Variants in SND1 observed in about 807,000 individuals in gnomAD.
SND1 encodes staphylococcal nuclease domain-containing protein 1.
A neutral mutation model predicts 121.7 loss-of-function variants in SND1; 38 were observed. That is an observed-to-expected ratio of 0.31 (90% CI 0.24 to 0.41). The LOEUF is 0.41. Among genes scored for constraint, SND1 ranks in the 10% least tolerant of loss-of-function variants. The pLI is 1.00. For synonymous variants in SND1, 401 were observed against 447.4 expected (o/e 0.90, Z 1.31); for missense variants, 868 against 1,184.6 (o/e 0.73, Z 3.92).
intron 11 of SND1, among the ~76,000 whole-genome samples, chr7:127,843,158 T>C (rs58106688): frequency 0.28 from 43,220 of 151,964 alleles, 7,726 homozygotes; most frequent in East Asian, 0.71. Flanking sequence ...TTACAGAGAT[T>C]TCCCATATAC....
At chr7:127,807,986 G>A (rs1160290524) in intron 11 of SND1, among the ~76,000 whole-genome samples, 1 of 152,144 alleles carries the variant, frequency 6.6e-6, no homozygotes, top group East Asian at 1.9e-4. Context: ...GCTATAAGGG[G>A]AAGAGGGGAT....
chr7:127,998,210 C>A, intron 16 of SND1: 1 of 316,592 alleles, frequency 3.2e-6, no homozygotes, highest in South Asian at 2.7e-5. Flanking sequence ...GGAAAGCTCT[C>A]CAAGCTTGGC....
At chr7:127,762,744 C>T (rs1264510260) in intron 10 of SND1, among the ~76,000 whole-genome samples, 3 of 152,178 alleles carry the variant, frequency 2.0e-5, no homozygotes, top group Admixed American at 2.0e-4. Flanking sequence ...CTCAGAGTGT[C>T]TGAAGCAAGC....
At chr7:127,925,565 A>G (rs1369541310) in intron 14 of SND1, among the ~76,000 whole-genome samples, 1 of 151,974 alleles carries the variant, frequency 6.6e-6, no homozygotes, top group African/African-American at 2.4e-5. Flanking sequence ...CTTTAAATCT[A>G]AGGTCTTAAA....
At position 127,981,415 on chromosome 7, in the gene SND1, C is replaced by T. The variant is rs150744365; in HGVS notation, c.1670-9532C>T. On this transcript the variant is annotated intron_variant, in intron 15 of 23. Transcript: ENST00000354725. ...TGGGCATTGGGAAGCGGACAGCCTG[C>T]GATCTCCAGTCCCCTTCCCAAACAC... Among the ~76,000 whole-genome samples, 140 of 152,282 alleles carry T rather than the reference C, an allele frequency of 9.2e-4. 1 individual carries two copies. The highest frequency in any genetic ancestry group is 3.4e-3 in the Middle Eastern group (1 of 294).
chr7:128,051,799 G>T (rs1191727517), intron 16 of SND1, among the ~76,000 whole-genome samples: 1 of 152,238 alleles, frequency 6.6e-6, no homozygotes, highest in Non-Finnish European at 1.5e-5. Context: ...ACTTACTGTT[G>T]CTAAGTGCTG....
At chr7:128,001,246 C>G (rs1482330550) in intron 16 of SND1, among the ~76,000 whole-genome samples, 1 of 152,216 alleles carries the variant, frequency 6.6e-6, no homozygotes, top group Non-Finnish European at 1.5e-5. Flanking sequence ...CAACATGTTT[C>G]ACATAGTGAG....
At chr7:127,996,358 T>C (rs908499671) in intron 16 of SND1, among the ~76,000 whole-genome samples, 3 of 152,226 alleles carry the variant, frequency 2.0e-5, no homozygotes, top group Middle Eastern at 3.2e-3. Context: ...CTGAAATAGA[T>C]AAACTGCTCT....
At chr7:127,776,779 C>A (rs974427933) in intron 10 of SND1, among the ~76,000 whole-genome samples, 1 of 152,108 alleles carries the variant, frequency 6.6e-6, no homozygotes, top group Non-Finnish European at 1.5e-5. Context: ...AGGTTCAAAG[C>A]CCTTATGTAA....
At chr7:127,726,171 A>C (rs952306366) in intron 10 of SND1, among the ~76,000 whole-genome samples, 2 of 152,204 alleles carry the variant, frequency 1.3e-5, no homozygotes, top group African/African-American at 4.8e-5. Flanking sequence ...TTTTCATCCT[A>C]GGCTTTCCAA....
chr7:127,789,530 A>G (rs1054332379), intron 10 of SND1, among the ~76,000 whole-genome samples: 3 of 152,202 alleles, frequency 2.0e-5, no homozygotes, highest in African/African-American at 7.2e-5. Context: ...CATTGTTTCC[A>G]TATTTAATCG....
At chr7:127,683,398 G>C (rs1239091468) in intron 1 of SND1, among the ~76,000 whole-genome samples, 1 of 152,068 alleles carries the variant, frequency 6.6e-6, no homozygotes, top group Non-Finnish European at 1.5e-5. Flanking sequence ...TTGATTTTTA[G>C]TAGAGATGAG....
Position 127,988,154 on chromosome 7 carries a change from G to A in SND1, c.1670-2793G>A, listed in dbSNP as rs533902229. Among the ~76,000 whole-genome samples the A allele has an allele frequency of 2.0e-4, 30 of 152,254 alleles. No homozygotes were observed. The South Asian group carries it at 5.8e-3, about 29-fold the overall frequency. Reference sequence around the variant, plus strand: ...AGTAAGAATAAAAAGTTTGAAAAACGCCCATCTACAGTATCTTCTATCTGT... The same window carrying A: ...AGTAAGAATAAAAAGTTTGAAAAACACCCATCTACAGTATCTTCTATCTGT... On this transcript the variant is annotated intron_variant, in intron 15 of 23. Coordinates refer to ENST00000354725, the MANE Select transcript of SND1 (RefSeq NM_014390.4).
At chr7:127,657,104 T>A (rs1327716325) in intron 1 of SND1, among the ~76,000 whole-genome samples, 1 of 152,242 alleles carries the variant, frequency 6.6e-6, no homozygotes, top group African/African-American at 2.4e-5. Flanking sequence ...AATAGAATCA[T>A]AAGCAATCAT....
At chr7:128,041,105 C>T (rs1482412853) in intron 16 of SND1, among the ~76,000 whole-genome samples, 3 of 152,112 alleles carry the variant, frequency 2.0e-5, no homozygotes, top group African/African-American at 7.2e-5. Flanking sequence ...CCCACCCCTT[C>T]CCATCTTTGA....
In SND1 at chr7:128,015,735, A is replaced by G. The variant is rs1352860190; in HGVS notation, c.1779+24679A>G. On this transcript the variant is annotated intron_variant, in intron 16 of 23. Coordinates refer to ENST00000354725, the MANE Select transcript of SND1 (RefSeq NM_014390.4). The surrounding 1 kb of genome is among the most constrained non-coding windows in gnomAD (Gnocchi z 4.5). The stretch of plus-strand genomic sequence containing the variant: ...GATATGGCTGCAGCAGCCCCAGGAC[A>G]CCACTCTGCCTTTCCCCATTGCTGG... 6.6e-6 allele frequency among the ~76,000 whole-genome samples: 1 copy of G among 152,126 alleles called. No individual in the cohort carries two copies. Among genetic ancestry groups the G allele is most frequent in the Non-Finnish European group, 1.5e-5 (1 of 68,010 alleles).
chr7:127,897,051 T>C (rs913021753), intron 13 of SND1, among the ~76,000 whole-genome samples: 1 of 152,192 alleles, frequency 6.6e-6, no homozygotes, highest in African/African-American at 2.4e-5. Flanking sequence ...ATCCGCTTCA[T>C]AGCTTCTTTC....
chr7:128,057,552 C>T lies in SND1; in HGVS notation c.1780-16950C>T, dbSNP rs190952985. Reference sequence around the variant, plus strand: ...GCACATGGCTTACATTCTCAGGGTCCAAGGTGTCTACAGATCTCTAGCCAT... The same window carrying T: ...GCACATGGCTTACATTCTCAGGGTCTAAGGTGTCTACAGATCTCTAGCCAT... On this transcript the variant is annotated intron_variant, in intron 16 of 23. Transcript: ENST00000354725. 2.7e-3 allele frequency among the ~76,000 whole-genome samples: 413 copies of T among 152,204 alleles called. 2 individuals carry two copies. Among genetic ancestry groups the T allele is most frequent in the Admixed American group, 6.0e-3 (91 of 15,278 alleles).
intron 18 of SND1, among the ~76,000 whole-genome samples, chr7:128,083,510 A>G (rs1272825341): frequency 1.3e-5 from 2 of 152,242 alleles, no homozygotes; most frequent in Non-Finnish European, 2.9e-5. Flanking sequence ...ACATCCCTGC[A>G]TGCTTATGCA....
Sources: allele counts gnomAD v4.1 joint callset (sites outside exome capture counted in the v4.1 genomes callset), GRCh38; gene constraint gnomAD v4.1.1; non-coding constraint Gnocchi (gnomAD v3.1); transcripts MANE v1.5; gene names NCBI Gene and HGNC (gene_info 2026-07-23, HGNC 2026-07-21).